CYP2S1: variants seen among roughly 807,000 people sequenced by gnomAD.
CYP2S1 encodes cytochrome P450 2S1.
In CYP2S1, 32 loss-of-function variants were observed where a neutral mutation model predicts 43.5. The observed-to-expected ratio is 0.74, with a 90% CI of 0.56 to 0.99. The LOEUF (loss-of-function observed/expected upper bound fraction) is 0.99, where lower values mean the gene tolerates loss of function less well. Among genes scored for constraint, CYP2S1 ranks in the 50% least tolerant of loss-of-function variants. CYP2S1 has a pLI of 0.00. For synonymous variants in CYP2S1, 283 were observed against 302.9 expected (o/e 0.93, Z 0.68); for missense variants, 575 against 673.9 (o/e 0.85, Z 1.62).
At chr19:41,197,725 AG>A in intron 2 of CYP2S1, 53 bp from the exon 3 acceptor site, 1 of 1,583,236 alleles carries the variant, frequency 6.3e-7, no homozygotes. Flanking sequence ...GAAAGGAAGA[AG>A]GGGGAATGGG....
At chr19:41,203,324 T>TG in intron 6 of CYP2S1, 126 bp from the exon 7 acceptor site, 1 of 1,027,606 alleles carries the variant, frequency 9.7e-7, no homozygotes. Context: ...CAGTGAGGGC[T>TG]GGGGGACCAC....
At chr19:41,205,364 T>TCTCTCTC (rs2122169612) in intron 7 of CYP2S1, among the ~76,000 whole-genome samples, 1 of 71,238 alleles carries the variant, frequency 1.4e-5, no homozygotes, top group African/African-American at 1.7e-4. Context: ...CTTTCTTTCT[T>TCTCTCTC]TCTTTCTTTC....
In CYP2S1 at chr19:41,198,929, G is replaced by C. The variant is rs202142832; in HGVS notation, c.834+41G>C. The C allele has an allele frequency of 8.9e-4, 1,400 of 1,571,858 alleles. 1 individual carries two copies. Among genetic ancestry groups the C allele is most frequent in the Non-Finnish European group, 1.1e-3 (1,269 of 1,154,428 alleles). On this transcript the variant is annotated intron_variant, in intron 5 of 8. Transcript: ENST00000310054. This position sits in a 1 kb window ranked among gnomAD's most constrained non-coding sequence, Gnocchi z 4.9. ...AGGGACCCCCTCTCTGAATGGGCGT[G>C]GTGACCTGGCAGGTCCCCAGCCAGG...
At chr19:41,200,428 G>A (rs571489998) in intron 5 of CYP2S1, among the ~76,000 whole-genome samples, 5 of 151,856 alleles carry the variant, frequency 3.3e-5, no homozygotes, top group Admixed American at 1.3e-4. Context: ...GCTAGAGTGC[G>A]GTGGCTCGAT....
Position 41,193,569 on chromosome 19 carries a change from GGCT to G in CYP2S1, c.177+136_177+138del, listed in dbSNP as rs531882193. ...AGGGGCAGGGGTCCCAAGGCAAAGG[GGCT>G]GCTGCTGTCCTGGGGTTGGGGGCAG... On this transcript the variant is annotated intron_variant, in intron 1 of 8. Transcript: ENST00000310054. 384 of 1,354,262 alleles carry G rather than the reference GGCT, an allele frequency of 2.8e-4. 1 individual carries two copies. The African/African-American group carries it at 5.4e-3, about 19-fold the overall frequency. 83.9% of individuals were successfully genotyped at this position (1,354,262 alleles called of 1,614,324 possible).
intron 6 of CYP2S1, 40 bp downstream of exon 6, chr19:41,201,412 G>A (rs995130281): frequency 6.2e-7 from 1 of 1,607,370 alleles, no homozygotes; most frequent in Non-Finnish European, 8.5e-7. Flanking sequence ...GGGAACAGAA[G>A]TCAGGGTTCT....
At chr19:41,203,755 C>G in intron 7 of CYP2S1, 118 bp downstream of exon 7, 6 of 950,682 alleles carry the variant, frequency 6.3e-6, no homozygotes, top group Non-Finnish European at 8.8e-6. Flanking sequence ...CTCTCTCTCT[C>G]TGTCTTTATC....
intron 5 of CYP2S1, among the ~76,000 whole-genome samples, chr19:41,199,335 G>C (rs2033458565): frequency 6.6e-6 from 1 of 151,872 alleles, no homozygotes; most frequent in Admixed American, 6.6e-5. Context: ...TGTTAATAAA[G>C]TCCACTTTAT....
At chr19:41,204,617 A>G (rs1324977954) in intron 7 of CYP2S1, among the ~76,000 whole-genome samples, 3 of 119,872 alleles carry the variant, frequency 2.5e-5, no homozygotes, top group East Asian at 2.4e-4. Context: ...TTTTTTTCCG[A>G]GATGGAGTCT....
In CYP2S1 at chr19:41,206,806, C is replaced by T. The variant is rs1482702674; in HGVS notation, c.*318C>T. 3 of 548,678 alleles carry T rather than the reference C, an allele frequency of 5.5e-6. No homozygotes were observed. Among genetic ancestry groups the T allele is most frequent in the East Asian group, 4.7e-5 (1 of 21,484 alleles). 34.0% of individuals were successfully genotyped at this position (548,678 alleles called of 1,614,324 possible). A position where few individuals can be genotyped will look rare whatever the true frequency, so the allele number is the denominator to read the frequency against. On this transcript the variant is annotated 3_prime_UTR_variant, in exon 9 of 9. Transcript: ENST00000310054. Reference sequence around the variant, plus strand: ...CACCAACTCCCCTGGATCTGCAGCCCACACGTGGGAGTCTGGCTGTCACCT... The same window carrying T: ...CACCAACTCCCCTGGATCTGCAGCCTACACGTGGGAGTCTGGCTGTCACCT...
chr19:41,194,729 G>A lies in CYP2S1; in HGVS notation c.343+20G>A. 2 of 1,596,738 alleles carry A rather than the reference G, an allele frequency of 1.3e-6. No individual in the cohort carries two copies. Among genetic ancestry groups the A allele is most frequent in the Non-Finnish European group, 1.7e-6 (2 of 1,174,136 alleles). On this transcript the variant is annotated intron_variant, in intron 2 of 8. Transcript: ENST00000310054. ...GCCATGGTAAGTCAAGGGCTGCTAG[G>A]CCCTCCGCTCACAGCCTGCCACCAC...
rs758090356 is a variant in CYP2S1, at chr19:41,198,938, G to A, written c.834+50G>A. ...CTCTCTGAATGGGCGTGGTGACCTG[G>A]CAGGTCCCCAGCCAGGTGTCCCTGG... On this transcript the variant is annotated intron_variant, in intron 5 of 8. Coordinates refer to ENST00000310054, the MANE Select transcript of CYP2S1 (RefSeq NM_030622.8). The surrounding 1 kb of genome is among the most constrained non-coding windows in gnomAD (Gnocchi z 4.9). The A allele has an allele frequency of 6.4e-7, 1 of 1,562,164 alleles. No individual in the cohort carries two copies.
chr19:41,193,725 G>A lies in CYP2S1; in HGVS notation c.177+284G>A, dbSNP rs2033372169. On this transcript the variant is annotated intron_variant, in intron 1 of 8. Transcript: ENST00000310054. ...CCTGGGAAGGTGATGGGCAGGGACC[G>A]AGGCTGAAAGAGACAGGAGTCCTCC... is the stretch of plus-strand genomic sequence containing the variant. 5 of 410,426 alleles carry A rather than the reference G, an allele frequency of 1.2e-5. No homozygotes were observed. The South Asian group carries it at 4.6e-4, about 38-fold the overall frequency. 25.4% of individuals were successfully genotyped at this position (410,426 alleles called of 1,614,324 possible). A position where few individuals can be genotyped will look rare whatever the true frequency, so the allele number is the denominator to read the frequency against.
In CYP2S1 at chr19:41,206,914, G is replaced by A. The variant is rs2033589364; in HGVS notation, c.*426G>A. ...CGAACTTCTCAGTGTCCCTGTCCCTGGTGCCTGGCACAGGGAACAGCATGC... is the reference window on the plus strand; with the variant it reads ...CGAACTTCTCAGTGTCCCTGTCCCTAGTGCCTGGCACAGGGAACAGCATGC... On this transcript the variant is annotated 3_prime_UTR_variant, in exon 9 of 9. Transcript: ENST00000310054. The A allele has an allele frequency of 7.4e-6, 3 of 405,306 alleles. No individual in the cohort carries two copies. The Admixed American group carries it at 7.7e-5, about 10-fold the overall frequency. 25.1% of individuals were successfully genotyped at this position (405,306 alleles called of 1,614,324 possible).
At position 41,197,894 on chromosome 19, in the gene CYP2S1, C is replaced by A. The variant is rs780029342; in HGVS notation, c.459C>A (p.Ala153=). Residue 153 remains alanine, a synonymous_variant, in exon 3 of 9, where the codon GCC becomes GCA. Transcript: ENST00000310054. The stretch of plus-strand genomic sequence containing the variant: ...GCGAGGAGCTGATCCAGGCGGAGGC[C>A]CGGTGTCTGGTGGAGACATTCCAGG... ...REGEELIQAE[A]RCLVETFQGT... is the part of the protein sequence containing the mutation. 8 of 1,613,782 alleles carry A rather than the reference C, an allele frequency of 5.0e-6. No individual in the cohort carries two copies. Among genetic ancestry groups the A allele is most frequent in the Admixed American group, 1.7e-5 (1 of 59,952 alleles).
At chr19:41,205,421 TCTC>T (rs1375704640) in intron 7 of CYP2S1, among the ~76,000 whole-genome samples, 13 of 36,528 alleles carry the variant, frequency 3.6e-4, no homozygotes, top group African/African-American at 2.9e-3. Flanking sequence ...TCTTTCTTTC[TCTC>T]TCTCTCTCTT....
In CYP2S1 at chr19:41,203,506, G is replaced by A. The variant is rs776590277; in HGVS notation, c.1033G>A (p.Gly345Arg). 9.3e-6 allele frequency: 15 copies of A among 1,605,316 alleles called. No homozygotes were observed. The highest frequency in any genetic ancestry group is 1.3e-5 in the Non-Finnish European group (15 of 1,175,450). Reference protein sequence around the residue: ...ELGAGQAPSLGDRTRLPYTDA... With the variant: ...ELGAGQAPSLRDRTRLPYTDA... ...GGGGGCTGGCCAGGCACCAAGCCTAGGGGACCGTACCCGCCTCCCTTACAC... is the reference window on the plus strand; with the variant it reads ...GGGGGCTGGCCAGGCACCAAGCCTAAGGGACCGTACCCGCCTCCCTTACAC... Residue 345 changes from glycine (G) to arginine (R), a missense_variant, in exon 7 of 9, where the codon GGG becomes AGG. Gly to Arg is a moderately radical substitution (Grantham distance 125). Around this residue, in one of 2 missense-constraint regions of CYP2S1, gnomAD observed 222 missense variants for 306.3 expected, o/e 0.72. Transcript: ENST00000310054.
At chr19:41,193,583 T>G in intron 1 of CYP2S1, 142 bp downstream of exon 1, 2 of 1,323,256 alleles carry the variant, frequency 1.5e-6, no homozygotes, top group Non-Finnish European at 1.9e-6. Context: ...GCTGCTGTCC[T>G]GGGGTTGGGG....
chr19:41,195,566 C>A (rs2033401195), intron 2 of CYP2S1, among the ~76,000 whole-genome samples: 1 of 151,910 alleles, frequency 6.6e-6, no homozygotes, highest in African/African-American at 2.4e-5. Context: ...CTGAGGGAAG[C>A]CCTGGGACTG....
Sources: gnomAD v4.1 joint callset for allele counts (sites outside exome capture counted in the v4.1 genomes callset) on GRCh38, gnomAD v4.1.1 for gene constraint, gnomAD v4.1.1 regional missense constraint, Gnocchi (gnomAD v3.1) non-coding constraint, MANE v1.5 for transcripts, NCBI Gene and HGNC (gene_info 2026-07-23, HGNC 2026-07-21) for gene names.